ATP8B4: variants seen among roughly 807,000 people sequenced by gnomAD.
ATP8B4 encodes probable phospholipid-transporting ATPase IM.
Under a neutral mutation model 145.6 loss-of-function variants are expected in ATP8B4, and 133 were observed. The ratio of observed to expected loss-of-function variants is 0.91; its 90% CI spans 0.79 to 1.05. The LOEUF (loss-of-function observed/expected upper bound fraction) is 1.05, where lower values mean the gene tolerates loss of function less well. Among genes scored for constraint, ATP8B4 ranks in the 50% least tolerant of loss-of-function variants. The probability of loss-of-function intolerance (pLI) is 0.00; values close to 1 mark genes in which losing one functional copy is unlikely to be tolerated. For missense variants in ATP8B4, 1,458 were observed against 1,425.2 expected (o/e 1.02, Z -0.37); for synonymous variants, 507 against 492.9 (o/e 1.03, Z -0.38).
chr15:50,095,884 G>A (rs570021612), intron 2 of ATP8B4, among the ~76,000 whole-genome samples: 32 of 152,176 alleles, frequency 2.1e-4, no homozygotes, highest in African/African-American at 7.7e-4. Flanking sequence ...AAATAAAGCT[G>A]GAAAAACTGA....
In ATP8B4 at chr15:49,897,402, T is replaced by A. The variant is rs1284719552; in HGVS notation, c.2587A>T (p.Arg863Trp). The A allele has an allele frequency of 3.1e-6, 5 of 1,613,932 alleles. No individual in the cohort carries two copies. The highest frequency in any genetic ancestry group is 4.2e-6 in the Non-Finnish European group (5 of 1,179,850). The change falls in exon 23 of 28, where the codon AGG (arginine) becomes TGG (tryptophan). Residue 863 changes from arginine to tryptophan, a missense_variant. Coordinates refer to ENST00000284509, the MANE Select transcript of ATP8B4 (RefSeq NM_024837.4). Reference protein sequence around the residue: ...YLQRLLLVHGRWSYFRMCKFL... With the variant: ...YLQRLLLVHGWWSYFRMCKFL... ...TTGCACATTCGGAAATAAGACCACC[T>A]TCCATGAACAAGGAGAAGCCTTTGG...
intron 14 of ATP8B4, among the ~76,000 whole-genome samples, chr15:49,955,496 A>G (rs1034439539): frequency 6.6e-6 from 1 of 152,194 alleles, no homozygotes; most frequent in African/African-American, 2.4e-5. Flanking sequence ...ATTAAAAATA[A>G]AACTACCATA....
rs150591239 is a variant in ATP8B4, at chr15:50,115,612, C to A, written c.-43+3511G>T. The stretch of plus-strand genomic sequence containing the variant: ...GGAAGGTTTGCGGAGCAGTGATAGT[C>A]ATGGCAAGCAGATCATACAGGCATA... On this transcript the variant is annotated intron_variant, in intron 1 of 27. Transcript: ENST00000284509. Among the ~76,000 whole-genome samples the A allele has an allele frequency of 1.7e-3, 256 of 152,014 alleles. 2 individuals carry two copies. Among genetic ancestry groups the A allele is most frequent in the South Asian group, 7.3e-3 (35 of 4,812 alleles).
At chr15:50,173,876 T>A (rs752530736) in intron 1 of ATP8B4, among the ~76,000 whole-genome samples, 4 of 152,096 alleles carry the variant, frequency 2.6e-5, no homozygotes, top group Non-Finnish European at 5.9e-5. Context: ...TGGATGAACA[T>A]AGATGCTAAA....
At chr15:49,894,722 A>C (rs1202501618) in intron 23 of ATP8B4, among the ~76,000 whole-genome samples, 2 of 152,168 alleles carry the variant, frequency 1.3e-5, no homozygotes, top group Admixed American at 1.3e-4. Flanking sequence ...GTTTAAACAG[A>C]CCAGATCCAG....
intron 3 of ATP8B4, among the ~76,000 whole-genome samples, chr15:50,047,852 C>T (rs2051842288): frequency 6.6e-6 from 1 of 152,088 alleles, no homozygotes; most frequent in Admixed American, 6.5e-5. Flanking sequence ...AAAGCATGAC[C>T]CTTTTAGATA....
chr15:50,159,147 CTT>C (rs1347545162), intron 1 of ATP8B4, among the ~76,000 whole-genome samples: 2 of 151,976 alleles, frequency 1.3e-5, no homozygotes, highest in Non-Finnish European at 2.9e-5. Context: ...CATGAAATAT[CTT>C]TCCTTTTTTG....
chr15:50,009,247 T>G (rs1180128211), intron 7 of ATP8B4: 1 of 152,924 alleles, frequency 6.5e-6, no homozygotes, highest in East Asian at 1.9e-4. Flanking sequence ...ACATCTGAAT[T>G]TTTGTAAATT....
At chr15:49,887,602 C>T (rs1041176394) in intron 23 of ATP8B4, among the ~76,000 whole-genome samples, 45 of 151,862 alleles carry the variant, frequency 3.0e-4, no homozygotes, top group Admixed American at 1.9e-3. Context: ...AGAGAAAAGC[C>T]ATGCTACTAC....
intron 1 of ATP8B4, among the ~76,000 whole-genome samples, chr15:50,144,870 C>T (rs1055500626): frequency 5.9e-5 from 9 of 152,102 alleles, no homozygotes; most frequent in African/African-American, 1.2e-4. Context: ...GAAGCCGTCA[C>T]GGACTACTCT....
intron 1 of ATP8B4, among the ~76,000 whole-genome samples, chr15:50,173,317 A>G (rs1289035918): frequency 6.6e-6 from 1 of 152,218 alleles, no homozygotes; most frequent in Non-Finnish European, 1.5e-5. Context: ...AGAAAGAAGT[A>G]GACATAGGAG....
At chr15:50,059,348 C>A (rs1439605542) in intron 3 of ATP8B4, among the ~76,000 whole-genome samples, 3 of 152,102 alleles carry the variant, frequency 2.0e-5, no homozygotes, top group Non-Finnish European at 4.4e-5. Context: ...TGCAACTGAG[C>A]CACTTCTACG....
chr15:50,085,970 TGA>T (rs2054969703), intron 2 of ATP8B4, among the ~76,000 whole-genome samples: 6 of 89,244 alleles, frequency 6.7e-5, no homozygotes, highest in African/African-American at 2.6e-4. Context: ...TATTTATATA[TGA>T]TATATCAAAT....
At chr15:50,135,803 A>G (rs2044114227) in intron 1 of ATP8B4, among the ~76,000 whole-genome samples, 1 of 152,186 alleles carries the variant, frequency 6.6e-6, no homozygotes. Flanking sequence ...CTTATATCCA[A>G]TGGGGAAACT....
chr15:49,978,055 C>T (rs577785475), intron 12 of ATP8B4, among the ~76,000 whole-genome samples: 2 of 76,692 alleles, frequency 2.6e-5, no homozygotes, highest in South Asian at 1.0e-3. Context: ...GAGAATCTAC[C>T]TTTGGTCTCT....
At chr15:50,056,262 G>A (rs1422419447) in intron 3 of ATP8B4, among the ~76,000 whole-genome samples, 1 of 152,156 alleles carries the variant, frequency 6.6e-6, no homozygotes, top group African/African-American at 2.4e-5. Flanking sequence ...CTGTGCTTCA[G>A]GCAATAATGT....
intron 4 of ATP8B4, among the ~76,000 whole-genome samples, chr15:50,046,844 C>T (rs1431013996): frequency 6.6e-6 from 1 of 152,196 alleles, no homozygotes; most frequent in Non-Finnish European, 1.5e-5. Flanking sequence ...GCAAAGGTTA[C>T]TAAATACCAA....
chr15:50,143,045 G>A (rs1595642173), intron 1 of ATP8B4, among the ~76,000 whole-genome samples: 1 of 152,180 alleles, frequency 6.6e-6, no homozygotes. Context: ...TTCCTTTGAG[G>A]ATATCAACCT....
chr15:50,113,448 T>A (rs2057045493), intron 1 of ATP8B4: 1 of 152,332 alleles, frequency 6.6e-6, no homozygotes, highest in East Asian at 1.9e-4. Context: ...GCCACAGTGC[T>A]TGTAGATTGT....
Sources: gnomAD v4.1 joint callset for allele counts (sites outside exome capture counted in the v4.1 genomes callset) on GRCh38, gnomAD v4.1.1 for gene constraint, MANE v1.5 for transcripts, NCBI Gene and HGNC (gene_info 2026-07-23, HGNC 2026-07-21) for gene names.